Variants in PAX5 observed in about 807,000 individuals in gnomAD.
PAX5 encodes paired box 5, also known as paired box protein Pax-5.
Under a neutral mutation model 43.7 loss-of-function variants are expected in PAX5, and 9 were observed. The observed-to-expected ratio is 0.21, with a 90% confidence interval of 0.12 to 0.36. The LOEUF (loss-of-function observed/expected upper bound fraction) is 0.36. Among genes scored for constraint, PAX5 ranks in the 10% least tolerant of loss-of-function variants. The probability of loss-of-function intolerance (pLI) is 1.00; values close to 1 mark genes in which losing one functional copy is unlikely to be tolerated. For synonymous variants in PAX5, 228 were observed against 214.3 expected, an observed-to-expected ratio of 1.06 and a Z score of -0.56; for missense variants, 383 against 532.7, an observed-to-expected ratio of 0.72 and a Z score of 2.77.
intron 9 of PAX5, among the ~76,000 whole-genome samples, chr9:36,842,420 C>A (rs1306120919): frequency 6.6e-6 from 1 of 152,110 alleles, no homozygotes; most frequent in Non-Finnish European, 1.5e-5. Flanking sequence ...CTTGGAGGAT[C>A]CCTGGCTTGA....
At chr9:36,925,031 G>T (rs1204861755) in intron 6 of PAX5, among the ~76,000 whole-genome samples, 2 of 152,050 alleles carry the variant, frequency 1.3e-5, no homozygotes, top group East Asian at 3.9e-4. Flanking sequence ...GGAGCTGCAG[G>T]CACCCTGAGT....
At chr9:36,901,679 C>G (rs1025294153) in intron 7 of PAX5, among the ~76,000 whole-genome samples, 4 of 152,102 alleles carry the variant, frequency 2.6e-5, no homozygotes, top group African/African-American at 9.7e-5. Flanking sequence ...CTGTCCGACC[C>G]CACGCCCTAA....
intron 5 of PAX5, among the ~76,000 whole-genome samples, chr9:36,991,491 A>G (rs1836933497): frequency 6.6e-6 from 1 of 152,158 alleles, no homozygotes; most frequent in East Asian, 1.9e-4. Flanking sequence ...TACTCCCAGA[A>G]AGGTTTATAT....
At chr9:36,875,963 G>A (rs1825873552) in intron 8 of PAX5, among the ~76,000 whole-genome samples, 1 of 152,222 alleles carries the variant, frequency 6.6e-6, no homozygotes, top group Admixed American at 6.5e-5. Flanking sequence ...CTCATTTGTG[G>A]TAATTTGTCA....
intron 5 of PAX5, among the ~76,000 whole-genome samples, chr9:36,995,576 G>T (rs1464733934): frequency 6.6e-6 from 1 of 152,118 alleles, no homozygotes; most frequent in East Asian, 1.9e-4. Context: ...GGAGGGAGAG[G>T]AAAACTGAAT....
intron 7 of PAX5, among the ~76,000 whole-genome samples, chr9:36,921,555 T>C (rs1253657518): frequency 6.6e-6 from 1 of 152,180 alleles, no homozygotes; most frequent in Admixed American, 6.5e-5. Flanking sequence ...AAGCCTCAGT[T>C]TCTCTATTTG....
intron 5 of PAX5, among the ~76,000 whole-genome samples, chr9:36,995,226 A>G (rs1837292741): frequency 1.3e-5 from 2 of 152,218 alleles, no homozygotes; most frequent in African/African-American, 4.8e-5. Context: ...GGTCTCAGCC[A>G]GTTGTGAAGG....
chr9:36,868,359 A>G (rs1704160171), intron 8 of PAX5, among the ~76,000 whole-genome samples: 1 of 152,220 alleles, frequency 6.6e-6, no homozygotes, highest in Non-Finnish European at 1.5e-5. Context: ...ATCTGAGAGG[A>G]ATTCCGGGCA....
intron 5 of PAX5, among the ~76,000 whole-genome samples, chr9:36,995,503 A>G (rs1837317544): frequency 6.6e-6 from 1 of 152,134 alleles, no homozygotes; most frequent in African/African-American, 2.4e-5. Context: ...ATGGGGAGAT[A>G]AGACTGATGG....
At chr9:36,998,162 C>T (rs1157260527) in intron 5 of PAX5, among the ~76,000 whole-genome samples, 2 of 152,202 alleles carry the variant, frequency 1.3e-5, no homozygotes, top group African/African-American at 2.4e-5. Context: ...TTTAACCAGC[C>T]CCAGCTCTTC....
intron 8 of PAX5, among the ~76,000 whole-genome samples, chr9:36,859,522 C>A (rs10814462): frequency 0.15 from 22,419 of 152,090 alleles, 1,700 homozygotes; most frequent in Middle Eastern, 0.28. Context: ...AGCGTCTGCA[C>A]CCGACATTCA....
At chr9:36,970,768 C>T (rs984859939) in intron 5 of PAX5, among the ~76,000 whole-genome samples, 5 of 152,158 alleles carry the variant, frequency 3.3e-5, no homozygotes, top group African/African-American at 1.2e-4. Flanking sequence ...CATGTCTCCT[C>T]CTCCAGGATG....
intron 6 of PAX5, among the ~76,000 whole-genome samples, chr9:36,946,774 C>T (rs1388661126): frequency 2.0e-5 from 3 of 152,272 alleles, no homozygotes; most frequent in Admixed American, 6.5e-5. Flanking sequence ...GGAAGCATCC[C>T]CAGGAGACAG....
chr9:36,947,359 C>T (rs1020217648), intron 6 of PAX5, among the ~76,000 whole-genome samples: 3 of 152,182 alleles, frequency 2.0e-5, no homozygotes, highest in Admixed American at 2.0e-4. Flanking sequence ...AGTACCATTT[C>T]CTCAGTTTCC....
chr9:36,902,268 TC>T (rs888861441), intron 7 of PAX5, among the ~76,000 whole-genome samples: 4 of 152,076 alleles, frequency 2.6e-5, no homozygotes, highest in Admixed American at 2.6e-4. Context: ...ATATATCAGT[TC>T]CCCCTTCTTC....
At chr9:36,847,821 G>T (rs1822736336) in intron 8 of PAX5, among the ~76,000 whole-genome samples, 1 of 152,192 alleles carries the variant, frequency 6.6e-6, no homozygotes, top group Admixed American at 6.5e-5. Flanking sequence ...TACTGGCCAG[G>T]TCACTAGGAG....
At chr9:36,899,923 C>A (rs1828219205) in intron 7 of PAX5, among the ~76,000 whole-genome samples, 1 of 152,206 alleles carries the variant, frequency 6.6e-6, no homozygotes, top group Non-Finnish European at 1.5e-5. Flanking sequence ...TTCCCTTGGG[C>A]TTTCATTTAA....
Position 36,837,392 on chromosome 9 carries a change from T to G in PAX5, c.*3168A>C, listed in dbSNP as rs183060483. The G allele has an allele frequency of 9.9e-5, 23 of 233,326 alleles. No individual in the cohort carries two copies. The highest frequency in any genetic ancestry group is 1.9e-4 in the Non-Finnish European group (23 of 118,056). 14.5% of individuals were successfully genotyped at this position (233,326 alleles called of 1,614,324 possible). A position where few individuals can be genotyped will look rare whatever the true frequency, so the allele number is the denominator to read the frequency against. On this transcript the variant is annotated 3_prime_UTR_variant, in exon 10 of 10. Coordinates refer to ENST00000358127, the MANE Select transcript of PAX5 (RefSeq NM_016734.3). ...CAATTTTTCTAGGTTGGAGCTAGAC[T>G]GATGGTATGAGAAATTTTCATAAAA...
chr9:36,903,791 C>T (rs1365722118), intron 7 of PAX5, among the ~76,000 whole-genome samples: 1 of 152,072 alleles, frequency 6.6e-6, no homozygotes, highest in African/African-American at 2.4e-5. Flanking sequence ...TCAGATATCA[C>T]CCAAGAAGCC....
Sources: allele counts gnomAD v4.1 joint callset (sites outside exome capture counted in the v4.1 genomes callset), GRCh38; gene constraint gnomAD v4.1.1; transcripts MANE v1.5; gene names NCBI Gene and HGNC (gene_info 2026-07-23, HGNC 2026-07-21).